RARS1: variants seen among roughly 807,000 people sequenced by gnomAD.
RARS1 encodes arginine--tRNA ligase, cytoplasmic.
Under a neutral mutation model 78.7 loss-of-function variants are expected in RARS1, and 75 were observed. The ratio of observed to expected loss-of-function variants is 0.95; its 90% CI spans 0.79 to 1.15. RARS1 has a LOEUF of 1.15. Ranked by LOEUF, RARS1 falls within the 50% of genes most tolerant of loss-of-function variation. The pLI, the probability that RARS1 is intolerant of heterozygous loss-of-function variation, is 0.00. For synonymous variants in RARS1, 273 were observed against 268.2 expected, an observed-to-expected ratio of 1.02 and a Z score of -0.18; for missense variants, 787 against 787.5, an observed-to-expected ratio of 1.00 and a Z score of 0.01.
chr5:168,502,510 CAAT>C (rs1758352140), intron 9 of RARS1, among the ~76,000 whole-genome samples: 1 of 146,580 alleles, frequency 6.8e-6, no homozygotes, highest in African/African-American at 2.5e-5. Flanking sequence ...CATACCCAGC[CAAT>C]AATAATTTCT....
intron 5 of RARS1, 193 bp downstream of exon 5, chr5:168,494,843 A>G (rs1758150958): frequency 4.1e-6 from 2 of 483,038 alleles, no homozygotes; most frequent in Non-Finnish European, 7.2e-6. Flanking sequence ...GGGCAGTATC[A>G]TGAGACTTCA....
intron 7 of RARS1, among the ~76,000 whole-genome samples, chr5:168,500,200 CAAAAAAA>C (rs36015007): frequency 2.1e-5 from 1 of 47,782 alleles, no homozygotes. Context: ...GACTCTGTCT[CAAAAAAA>C]AAAAAAAAAA....
intron 7 of RARS1, among the ~76,000 whole-genome samples, chr5:168,498,923 GAT>G (rs1177411565): frequency 6.6e-6 from 1 of 151,944 alleles, no homozygotes; most frequent in Non-Finnish European, 1.5e-5. Context: ...AGTGAGCTGT[GAT>G]CACACCATTG....
In RARS1 at chr5:168,496,158, G is replaced by A. The variant is rs183582615; in HGVS notation, c.701+722G>A. ...CACTTTGGGAGGCCAAGGAAGGATG[G>A]ATCACGAGGTCAGGAGTTTGAGACC... On this transcript the variant is annotated intron_variant, in intron 6 of 14. Transcript: ENST00000231572. Among the ~76,000 whole-genome samples, 964 of 152,090 alleles carry A rather than the reference G, an allele frequency of 6.3e-3. 4 individuals are homozygous for A. Among genetic ancestry groups the A allele is most frequent in the Non-Finnish European group, 0.012 (812 of 67,974 alleles).
rs944623993 is a variant in RARS1 at position 168,501,882 on chromosome 5, GTAAT to G, written c.953-113_953-110del. Reference sequence around the variant, plus strand: ...ATGTTCTATATCATACATTTTTTATGTAATTAATTTCCTTTTAATATTTGTATTA... The same window carrying G: ...ATGTTCTATATCATACATTTTTTATGTAATTTCCTTTTAATATTTGTATTA... On this transcript the variant is annotated intron_variant, in intron 8 of 14. Transcript: ENST00000231572. 199 of 1,380,294 alleles carry G rather than the reference GTAAT, an allele frequency of 1.4e-4. No homozygotes were observed. The African/African-American group carries it at 2.3e-3, about 16-fold the overall frequency. 85.5% of individuals were successfully genotyped at this position (1,380,294 alleles called of 1,614,324 possible).
Position 168,506,062 on chromosome 5 carries a change from C to G in RARS1, c.1099C>G (p.Pro367Ala), listed in dbSNP as rs1365924099. The G allele has an allele frequency of 1.2e-6, 2 of 1,605,618 alleles. No individual in the cohort carries two copies. Among genetic ancestry groups the G allele is most frequent in the Non-Finnish European group, 1.7e-6 (2 of 1,176,750 alleles). The change falls in exon 10 of 15, where the codon CCA (proline) becomes GCA (alanine). Residue 367 changes from proline (P) to alanine (A), a missense_variant. Pro to Ala is a conservative substitution (Grantham distance 27). Coordinates refer to ENST00000231572, the MANE Select transcript of RARS1 (RefSeq NM_002887.4). ...TGATGGCAGAAAGATTGTATTTGTCCCAGGGTGTTCCATACCATTAACCAT... is the reference window on the plus strand; with the variant it reads ...TGATGGCAGAAAGATTGTATTTGTCGCAGGGTGTTCCATACCATTAACCAT... ...VDDGRKIVFV[P>A]GCSIPLTIVK...
At chr5:168,505,598 G>A (rs985399918) in intron 9 of RARS1, among the ~76,000 whole-genome samples, 1 of 151,926 alleles carries the variant, frequency 6.6e-6, no homozygotes, top group Non-Finnish European at 1.5e-5. Flanking sequence ...GGGAGGCCAG[G>A]CATGGTGGCT....
Position 168,516,355 on chromosome 5 carries a change from C to G in RARS1, c.1453-423C>G, listed in dbSNP as rs191266689. On this transcript the variant is annotated intron_variant, in intron 12 of 14. Coordinates refer to ENST00000231572, the MANE Select transcript of RARS1 (RefSeq NM_002887.4). ...CAGTGAATGGGTTCTTTTATCTACT[C>G]TTAATACACCCTTGATTTCAATTAA... 3.3e-5 allele frequency among the ~76,000 whole-genome samples: 5 copies of G among 152,246 alleles called. No homozygotes were observed. The East Asian group carries it at 9.7e-4, about 29-fold the overall frequency.
Position 168,492,852 on chromosome 5 carries a change from T to A in RARS1, c.369+5T>A. 1 of 1,588,782 alleles carries A rather than the reference T, an allele frequency of 6.3e-7. No individual in the cohort carries two copies. Among genetic ancestry groups the A allele is most frequent in the South Asian group, 1.1e-5 (1 of 90,172 alleles). On this transcript the variant is annotated splice_donor_5th_base_variant and intron_variant, in intron 3 of 14. Transcript: ENST00000231572. ...AGTGCTATGGGTATTTCTCAGGTGA[T>A]GTATTGTCATGACTCTTGGCTGTTT...
chr5:168,500,464 G>A (rs1375128484), intron 7 of RARS1, 127 bp from the exon 8 acceptor site: 1 of 887,924 alleles, frequency 1.1e-6, no homozygotes, highest in African/African-American at 1.7e-5. Flanking sequence ...TTGAGGGAGA[G>A]CACTTGTTCT....
intron 9 of RARS1, among the ~76,000 whole-genome samples, chr5:168,502,894 G>A (rs966645144): frequency 3.3e-5 from 5 of 152,156 alleles, no homozygotes; most frequent in Middle Eastern, 6.8e-3. Flanking sequence ...ACATTTGTTT[G>A]ATATGTATCT....
intron 5 of RARS1, chr5:168,495,084 A>C (rs1037736733): frequency 1.5e-6 from 1 of 661,634 alleles, no homozygotes; most frequent in African/African-American, 1.8e-5. Context: ...AGAATGGATA[A>C]TTTGTATACA....
chr5:168,493,025 AT>A, intron 3 of RARS1, 178 bp downstream of exon 3: 1 of 545,340 alleles, frequency 1.8e-6, no homozygotes, highest in Non-Finnish European at 3.2e-6. Flanking sequence ...TTTAGGCACA[AT>A]TTTTAAGGTT....
intron 8 of RARS1, among the ~76,000 whole-genome samples, chr5:168,501,321 G>T (rs1758315362): frequency 6.6e-6 from 1 of 152,060 alleles, no homozygotes; most frequent in South Asian, 2.1e-4. Context: ...TACATAGACA[G>T]GTAAGTGGTT....
intron 12 of RARS1, among the ~76,000 whole-genome samples, chr5:168,515,014 T>C (rs1372678650): frequency 6.6e-6 from 1 of 152,178 alleles, no homozygotes; most frequent in Non-Finnish European, 1.5e-5. Context: ...TATACAGTCT[T>C]ACAAGAATAG....
At chr5:168,487,842 AG>A (rs746914073) in intron 1 of RARS1, among the ~76,000 whole-genome samples, 11 of 152,346 alleles carry the variant, frequency 7.2e-5, no homozygotes, top group Admixed American at 2.0e-4. Context: ...CACTGGAAAC[AG>A]GAAGAAATGG....
intron 14 of RARS1, 22 bp from the exon 15 acceptor site, chr5:168,519,055 TTAAC>T (rs753713113): frequency 6.4e-7 from 1 of 1,570,748 alleles, no homozygotes. Flanking sequence ...AACAAGTTAA[TTAAC>T]AACTTTTTTC....
At chr5:168,513,146 C>T (rs957828934) in intron 12 of RARS1, among the ~76,000 whole-genome samples, 3 of 150,108 alleles carry the variant, frequency 2.0e-5, no homozygotes, top group East Asian at 2.0e-4. Flanking sequence ...CCCATGTTCA[C>T]GCCATTCTCC....
At chr5:168,499,747 A>T (rs4976616) in intron 7 of RARS1, among the ~76,000 whole-genome samples, 19,798 of 152,198 alleles carry the variant, frequency 0.13, 1,721 homozygotes, top group Non-Finnish European at 0.19. Context: ...TAAAACATAT[A>T]TGTGTATTTG....
Sources: gnomAD v4.1 joint callset for allele counts (sites outside exome capture counted in the v4.1 genomes callset) on GRCh38, gnomAD v4.1.1 for gene constraint, MANE v1.5 for transcripts, NCBI Gene and HGNC (gene_info 2026-07-23, HGNC 2026-07-21) for gene names.